Variants in FAM9A observed in about 807,000 individuals in gnomAD.
The protein encoded by FAM9A is protein FAM9A.
FAM9A carries 49 observed loss-of-function variants against 25.0 expected under a neutral mutation model. That is an observed-to-expected ratio of 1.96 (90% CI 1.56 to 2.48). FAM9A has a LOEUF of 2.48. Ranked by LOEUF, FAM9A falls within the 30% of genes most tolerant of loss-of-function variation. The pLI, the probability that FAM9A is intolerant of heterozygous loss-of-function variation, is 0.00. For synonymous variants in FAM9A, 80 were observed against 85.1 expected, an observed-to-expected ratio of 0.94 and a Z score of 0.33; for missense variants, 266 against 249.3, an observed-to-expected ratio of 1.07 and a Z score of -0.45.
Position 8,791,184 on chromosome X carries a change from A to T in FAM9A, c.*32-12T>A. On this transcript the variant is annotated splice_polypyrimidine_tract_variant and intron_variant, in intron 9 of 9. Coordinates refer to ENST00000381003, the MANE Select transcript of FAM9A (RefSeq NM_174951.3). ...AACTCTTCCAAAAGCTGTTTCAAAAAAAAATTTAAGTAACTGTGATACACA... is the reference window on the plus strand; with the variant it reads ...AACTCTTCCAAAAGCTGTTTCAAAATAAAATTTAAGTAACTGTGATACACA... The T allele has an allele frequency of 1.6e-6, 1 of 629,195 alleles. No homozygotes were observed. Among genetic ancestry groups the T allele is most frequent in the Non-Finnish European group, 2.3e-6 (1 of 432,664 alleles). 51.9% of individuals were successfully genotyped at this position (629,195 alleles called of 1,213,427 possible).
At chrX:8,791,966 T>A (rs1933475461) in intron 8 of FAM9A, among the ~76,000 whole-genome samples, 1 of 112,055 alleles carries the variant, frequency 8.9e-6, no homozygotes, top group African/African-American at 3.2e-5. Flanking sequence ...ATAAAAAAAA[T>A]TAATACAAAA....
At chrX:8,798,847 C>T (rs1933564172) in intron 3 of FAM9A, 119 bp downstream of exon 3, 2 of 1,114,524 alleles carry the variant, frequency 1.8e-6, no homozygotes, top group Non-Finnish European at 2.4e-6. Context: ...GCACAATGGA[C>T]TCCAAAGCCA....
chrX:8,793,727 C>T lies in FAM9A; in HGVS notation c.861G>A (p.Trp287Ter). Residue 287 changes from tryptophan (W) to a stop codon, truncating the protein, a stop_gained, in exon 8 of 10, where the codon TGG becomes TGA. Transcript: ENST00000381003. LOFTEE classifies it high-confidence loss of function. ...IKAFQEKQKR[W>*]QQPTGVRSWR... ...AGCTCCTAACACCTGTAGGTTGTTGCCACCTCTTCTGTTTTTCTTGAAATG... is the reference window on the plus strand; with the variant it reads ...AGCTCCTAACACCTGTAGGTTGTTGTCACCTCTTCTGTTTTTCTTGAAATG... 8.3e-7 allele frequency: 1 copy of T among 1,209,256 alleles called. No homozygotes were observed. Among genetic ancestry groups the T allele is most frequent in the Non-Finnish European group, 1.1e-6 (1 of 894,244 alleles).
At position 8,800,197 on chromosome X, in the gene FAM9A, G is replaced by T; in HGVS notation, c.-26C>A. The T allele has an allele frequency of 4.2e-6, 5 of 1,202,601 alleles. No homozygotes were observed. Among genetic ancestry groups the T allele is most frequent in the Non-Finnish European group, 5.6e-6 (5 of 889,676 alleles). On this transcript the variant is annotated 5_prime_UTR_variant, in exon 2 of 10. Coordinates refer to ENST00000381003, the MANE Select transcript of FAM9A (RefSeq NM_174951.3). ...GGTTGGCTGTCCTGGGAAGTTAGAG[G>T]CGATCCCTGAACCTGGTTGAGTGCA...
intron 5 of FAM9A, 80 bp from the exon 6 acceptor site, chrX:8,796,462 T>C (rs1933535332): frequency 3.3e-6 from 2 of 610,957 alleles, no homozygotes; most frequent in East Asian, 7.1e-5. Context: ...ACGTGAGATA[T>C]GATGGTTCAG....
At chrX:8,791,721 T>C (rs1933473361) in intron 8 of FAM9A, among the ~76,000 whole-genome samples, 1 of 111,830 alleles carries the variant, frequency 8.9e-6, no homozygotes, top group African/African-American at 3.3e-5. Context: ...TAGTGACCCA[T>C]GTATTATCAG....
At chrX:8,799,673 G>A (rs1477246702) in intron 2 of FAM9A, among the ~76,000 whole-genome samples, 1 of 56,733 alleles carries the variant, frequency 1.8e-5, no homozygotes, top group East Asian at 6.9e-4. Context: ...CCCCATCCCT[G>A]GCCCCACACC....
intron 2 of FAM9A, 37 bp downstream of exon 2, chrX:8,800,044 C>T (rs765353291): frequency 2.1e-5 from 25 of 1,193,695 alleles, no homozygotes; most frequent in African/African-American, 9.1e-5. Flanking sequence ...GTGCCCCCCG[C>T]GCAGAGAGCA....
chrX:8,793,803 C>G, intron 7 of FAM9A, 47 bp from the exon 8 acceptor site: 2 of 875,184 alleles, frequency 2.3e-6, no homozygotes, highest in Non-Finnish European at 3.4e-6. Flanking sequence ...ATTTTTAATA[C>G]TTACAAAACA....
At chrX:8,792,182 A>G (rs1481550435) in intron 8 of FAM9A, among the ~76,000 whole-genome samples, 1 of 111,555 alleles carries the variant, frequency 9.0e-6, no homozygotes, top group East Asian at 2.8e-4. Context: ...GGCAGGAGCA[A>G]AGACAGAGGG....
intron 4 of FAM9A, 81 bp downstream of exon 4, chrX:8,798,278 T>C: frequency 8.3e-7 from 1 of 1,203,720 alleles, no homozygotes. Context: ...CCGCATAGAA[T>C]AGAATAGTGA....
Position 8,795,266 on chromosome X carries a change from C to T in FAM9A, c.643G>A (p.Glu215Lys), listed in dbSNP as rs1224411363. ...TCTTCGTCTTCTACTACTATTACTT[C>T]TGCTGCTGCTGCTGCGGCTTCTGCT... ...AAAEAAAAAA[E>K]VIVVEDEEEE... The change falls in exon 7 of 10, where the codon GAA becomes AAA. Residue 215 changes from glutamate to lysine, a missense_variant. Coordinates refer to ENST00000381003, the MANE Select transcript of FAM9A (RefSeq NM_174951.3). The T allele has an allele frequency of 8.7e-7, 1 of 1,144,125 alleles. No homozygotes were observed. The highest frequency in any genetic ancestry group is 1.9e-5 in the South Asian group (1 of 52,774). The allele number at this position is 1,144,125 out of a possible 1,213,427, so 94.3% of individuals were successfully genotyped here.
intron 3 of FAM9A, among the ~76,000 whole-genome samples, chrX:8,798,709 T>G (rs1933562503): frequency 8.9e-6 from 1 of 112,777 alleles, no homozygotes; most frequent in Non-Finnish European, 1.9e-5. Flanking sequence ...ACCCCTTGGA[T>G]GTCAGGACCG....
At position 8,795,116 on chromosome X, in the gene FAM9A, CCT is replaced by C. The variant is rs762442667; in HGVS notation, c.791_792del (p.Glu264GlyfsTer14). ...TCTTCCTCTTCTTCTTCTTCCTCTT[CCT>C]CTTCTTCTGTTTCTTCTCCTTCTCC... ...GGGEGEETEE[E>X]EEEEEEEEEE... On this transcript the variant is annotated frameshift_variant, in exon 7 of 10. Coordinates refer to ENST00000381003, the MANE Select transcript of FAM9A (RefSeq NM_174951.3). LOFTEE classifies it high-confidence loss of function. The C allele has an allele frequency of 1.4e-5, 16 of 1,156,730 alleles. No homozygotes were observed. The highest frequency in any genetic ancestry group is 1.9e-5 in the Non-Finnish European group (16 of 860,884).
chrX:8,792,746 A>T lies in FAM9A; in HGVS notation c.930+912T>A, dbSNP rs182181559. Reference sequence around the variant, plus strand: ...TATTTTCAAACTCTTTTCTCAGTTTATTTAACACATCTCAGTTAGTGTAGA... The same window carrying T: ...TATTTTCAAACTCTTTTCTCAGTTTTTTTAACACATCTCAGTTAGTGTAGA... On this transcript the variant is annotated intron_variant, in intron 8 of 9. Transcript: ENST00000381003. 1.8e-4 allele frequency among the ~76,000 whole-genome samples: 20 copies of T among 112,297 alleles called. No homozygotes were observed. The East Asian group carries it at 2.0e-3, about 11-fold the overall frequency.
rs1569104180 is a variant in FAM9A at position 8,795,286 on chromosome X, T to TCTG, written c.620_622dup (p.Ala207dup). 12 of 1,198,377 alleles carry TCTG rather than the reference T, an allele frequency of 1.0e-5. No individual in the cohort carries two copies. The South Asian group carries it at 2.0e-4, about 20-fold the overall frequency. The stretch of plus-strand genomic sequence containing the variant: ...TACTTCTGCTGCTGCTGCTGCGGCT[T>TCTG]CTGCTGCTGCTGCGGCTTCTGCTGC... On this transcript the variant is annotated inframe_insertion, in exon 7 of 10. Coordinates refer to ENST00000381003, the MANE Select transcript of FAM9A (RefSeq NM_174951.3).
Position 8,793,841 on chromosome X carries a change from C to T in FAM9A, c.832-85G>A, listed in dbSNP as rs185837295. On this transcript the variant is annotated intron_variant, in intron 7 of 9. Coordinates refer to ENST00000381003, the MANE Select transcript of FAM9A (RefSeq NM_174951.3). ...ATTCTGCATTAGCTTTATAGGAATA[C>T]TCTTTAAATCTATACTTCTTAACAC... 1.5e-3 allele frequency: 920 copies of T among 606,116 alleles called. 8 individuals are homozygous for T. The Admixed American group carries it at 0.025, about 17-fold the overall frequency. The allele number at this position is 606,116 out of a possible 1,213,427, so 50.0% of individuals were successfully genotyped here.
rs758797747 is a variant in FAM9A at position 8,795,154 on chromosome X, CCTT to C, written c.752_754del (p.Glu251del). On this transcript the variant is annotated inframe_deletion, in exon 7 of 10. Transcript: ENST00000381003. ...TTCTTCTCCTTCTCCTCCTCCTCCT[CCTT>C]CTTCTCCTTCTTCTCCTCCTCCTTC... 8.2e-3 allele frequency: 7,769 copies of C among 948,415 alleles called. 25 individuals carry two copies. The highest frequency in any genetic ancestry group is 0.01 in the Non-Finnish European group (6,935 of 685,116). 78.2% of individuals were successfully genotyped at this position (948,415 alleles called of 1,213,427 possible).
intron 1 of FAM9A, 187 bp downstream of exon 1, chrX:8,801,124 G>A (rs769336181): frequency 2.8e-5 from 3 of 106,847 alleles, no homozygotes; most frequent in Non-Finnish European, 5.8e-5. Flanking sequence ...AGCCAAGAAG[G>A]GGCCAGGGGT....
Sources: gnomAD v4.1 joint callset for allele counts (sites outside exome capture counted in the v4.1 genomes callset) on GRCh38, gnomAD v4.1.1 for gene constraint, MANE v1.5 for transcripts, NCBI Gene and HGNC (gene_info 2026-07-23, HGNC 2026-07-21) for gene names.